Variants in ARHGAP12 observed in about 807,000 individuals in gnomAD.
ARHGAP12 encodes the protein Rho GTPase activating protein 12.
ARHGAP12 carries 64 observed loss-of-function variants against 108.6 expected under a neutral mutation model. That is an observed-to-expected ratio of 0.59 (90% CI 0.48 to 0.73). The LOEUF is 0.73. Ranked by LOEUF, ARHGAP12 falls within the 30% of genes least tolerant of loss-of-function variation. The pLI is 0.00. For synonymous variants in ARHGAP12, 312 were observed against 337.2 expected, an observed-to-expected ratio of 0.93 and a Z score of 0.82; for missense variants, 940 against 1,005.9, an observed-to-expected ratio of 0.93 and a Z score of 0.89.
chr10:31,844,697 CTTTTT>C (rs369721681), intron 6 of ARHGAP12, among the ~76,000 whole-genome samples: 1 of 128,650 alleles, frequency 7.8e-6, no homozygotes. Flanking sequence ...GCACACTTGG[CTTTTT>C]TTTTTTTTTT....
At chr10:31,924,316 G>A (rs1839940828) in intron 1 of ARHGAP12, among the ~76,000 whole-genome samples, 1 of 152,112 alleles carries the variant, frequency 6.6e-6, no homozygotes, top group Non-Finnish European at 1.5e-5. Flanking sequence ...ACAAACTGTG[G>A]TACAATCCAT....
At chr10:31,845,657 T>C (rs1047694539) in intron 6 of ARHGAP12, among the ~76,000 whole-genome samples, 4 of 152,042 alleles carry the variant, frequency 2.6e-5, no homozygotes, top group Non-Finnish European at 4.4e-5. Context: ...TGGTGGTGCA[T>C]TGCTATAGGC....
chr10:31,816,602 T>C (rs1040059329), intron 13 of ARHGAP12, among the ~76,000 whole-genome samples: 8 of 152,140 alleles, frequency 5.3e-5, no homozygotes, highest in Admixed American at 2.6e-4. Flanking sequence ...TTGGGTAAAA[T>C]AGAAGGTGCA....
chr10:31,866,579 C>T (rs567266836), intron 3 of ARHGAP12, among the ~76,000 whole-genome samples: 1 of 151,828 alleles, frequency 6.6e-6, no homozygotes, highest in African/African-American at 2.4e-5. Context: ...TAATTATAAA[C>T]ACCATACAAT....
At chr10:31,872,290 C>G (rs944692861) in intron 3 of ARHGAP12, among the ~76,000 whole-genome samples, 3 of 152,060 alleles carry the variant, frequency 2.0e-5, no homozygotes, top group African/African-American at 7.2e-5. Flanking sequence ...ACCAAAATCT[C>G]TCCCTCAAAC....
At chr10:31,855,042 A>T in intron 4 of ARHGAP12, among the ~76,000 whole-genome samples, 1 of 76,190 alleles carries the variant, frequency 1.3e-5, no homozygotes, top group Non-Finnish European at 2.5e-5. Flanking sequence ...GGGGAGGGGG[A>T]GGGGATAGGA....
At chr10:31,823,852 C>CCAA in intron 11 of ARHGAP12, among the ~76,000 whole-genome samples, 1 of 152,098 alleles carries the variant, frequency 6.6e-6, no homozygotes, top group Non-Finnish European at 1.5e-5. Flanking sequence ...TTTTGGCTTA[C>CCAA]ATTTTAGCCT....
rs2132228455 is a variant in ARHGAP12 at position 31,839,626 on chromosome 10, A to G, written c.1371+11T>C. ...GGACTACATTATAAGATATGCTTCT[A>G]TCATACTAACTGTATCTTGGTGCTT... On this transcript the variant is annotated intron_variant, in intron 8 of 19. Coordinates refer to ENST00000344936, the MANE Select transcript of ARHGAP12 (RefSeq NM_018287.7). 3.1e-6 allele frequency: 5 copies of G among 1,590,624 alleles called. No homozygotes were observed. The highest frequency in any genetic ancestry group is 3.4e-6 in the Non-Finnish European group (4 of 1,162,440).
At chr10:31,821,178 G>A (rs1835402956) in intron 11 of ARHGAP12, among the ~76,000 whole-genome samples, 1 of 152,076 alleles carries the variant, frequency 6.6e-6, no homozygotes, top group African/African-American at 2.4e-5. Flanking sequence ...GTCAGAAACT[G>A]TAACTAGAGA....
chr10:31,871,930 A>T (rs1261889262), intron 3 of ARHGAP12, among the ~76,000 whole-genome samples: 1 of 152,168 alleles, frequency 6.6e-6, no homozygotes, highest in Non-Finnish European at 1.5e-5. Flanking sequence ...TAGAGCCCAC[A>T]TCTCTCCAGT....
At chr10:31,922,558 C>T (rs1216696570) in intron 1 of ARHGAP12, among the ~76,000 whole-genome samples, 2 of 151,944 alleles carry the variant, frequency 1.3e-5, no homozygotes, top group Non-Finnish European at 2.9e-5. Flanking sequence ...TGCATGCTAC[C>T]ATGCCCTTCT....
At chr10:31,819,116 T>C (rs1036714437) in intron 12 of ARHGAP12, among the ~76,000 whole-genome samples, 1 of 151,722 alleles carries the variant, frequency 6.6e-6, no homozygotes, top group Non-Finnish European at 1.5e-5. Flanking sequence ...ATAACCCAAG[T>C]ACACTAAATA....
chr10:31,883,543 A>T (rs1838066351), intron 3 of ARHGAP12, among the ~76,000 whole-genome samples: 1 of 152,194 alleles, frequency 6.6e-6, no homozygotes, highest in Non-Finnish European at 1.5e-5. Context: ...TATTTAAAAC[A>T]GTCTGACCAG....
chr10:31,853,879 ATCC>A (rs2132286122), intron 5 of ARHGAP12, among the ~76,000 whole-genome samples, 184 bp downstream of exon 5: 1 of 152,360 alleles, frequency 6.6e-6, no homozygotes, highest in Admixed American at 6.5e-5. Flanking sequence ...AATTACTATC[ATCC>A]TTAGCAGTTT....
At chr10:31,822,705 G>A (rs1419325124) in intron 11 of ARHGAP12, among the ~76,000 whole-genome samples, 1 of 152,134 alleles carries the variant, frequency 6.6e-6, no homozygotes, top group East Asian at 1.9e-4. Context: ...GTGACCTGCT[G>A]AGTAGTATCT....
At chr10:31,879,323 G>A (rs533354555) in intron 3 of ARHGAP12, among the ~76,000 whole-genome samples, 1 of 152,278 alleles carries the variant, frequency 6.6e-6, no homozygotes, top group African/African-American at 2.4e-5. Context: ...GAGGCTGGAG[G>A]ATTGCTTGTG....
intron 3 of ARHGAP12, among the ~76,000 whole-genome samples, chr10:31,907,154 C>T (rs1037665746): frequency 3.3e-5 from 5 of 152,174 alleles, no homozygotes; most frequent in African/African-American, 1.2e-4. Context: ...TATTCCCAGA[C>T]TTGATGAATA....
At chr10:31,852,430 G>A in intron 6 of ARHGAP12, 87 bp downstream of exon 6, 1 of 1,062,580 alleles carries the variant, frequency 9.4e-7, no homozygotes. Flanking sequence ...GTAGAATAAA[G>A]ATCTTAAAAT....
intron 1 of ARHGAP12, among the ~76,000 whole-genome samples, chr10:31,925,501 C>G (rs1395281880): frequency 6.6e-6 from 1 of 152,198 alleles, no homozygotes; most frequent in Non-Finnish European, 1.5e-5. Flanking sequence ...TGACACATAA[C>G]AATTTCCACA....
Sources: gnomAD v4.1 joint callset for allele counts (sites outside exome capture counted in the v4.1 genomes callset) on GRCh38, gnomAD v4.1.1 for gene constraint, MANE v1.5 for transcripts, NCBI Gene and HGNC (gene_info 2026-07-23, HGNC 2026-07-21) for gene names.